Variants in TRIM37 observed in about 807,000 individuals in gnomAD.
The protein encoded by TRIM37 is E3 ubiquitin-protein ligase TRIM37.
TRIM37 carries 80 observed loss-of-function variants against 129.8 expected under a neutral mutation model. The ratio of observed to expected loss-of-function variants is 0.62; its 90% confidence interval spans 0.51 to 0.74. TRIM37 has a LOEUF of 0.74. Among genes scored for constraint, TRIM37 ranks in the 30% least tolerant of loss-of-function variants. The probability of loss-of-function intolerance (pLI) is 0.00; values close to 1 mark genes in which losing one functional copy is unlikely to be tolerated. For synonymous variants in TRIM37, 389 were observed against 387.1 expected, an observed-to-expected ratio of 1.00 and a Z score of -0.06; for missense variants, 1,054 against 1,176.5, an observed-to-expected ratio of 0.90 and a Z score of 1.52.
At chr17:59,105,130 A>G (rs1195043759) in intron 1 of TRIM37, among the ~76,000 whole-genome samples, 1 of 151,858 alleles carries the variant, frequency 6.6e-6, no homozygotes, top group Non-Finnish European at 1.5e-5. Context: ...AAGGCAGACT[A>G]TATGACTGAA....
Position 59,028,528 on chromosome 17 carries a change from G to GA in TRIM37, c.2143dup (p.Ser715PhefsTer3). On this transcript the variant is annotated frameshift_variant, in exon 19 of 24. Coordinates refer to ENST00000262294, the MANE Select transcript of TRIM37 (RefSeq NM_015294.6). LOFTEE classifies it high-confidence loss of function. ...TGCAGCCAGAGCTGCCTGGTCAGCA[G>GA]AAAAAAGGCTTGTCTGCATGTCTCC... 1.2e-6 allele frequency: 2 copies of GA among 1,614,158 alleles called. No homozygotes were observed. Among genetic ancestry groups the GA allele is most frequent in the Non-Finnish European group, 1.7e-6 (2 of 1,180,014 alleles).
intron 19 of TRIM37, among the ~76,000 whole-genome samples, chr17:59,019,983 C>T (rs1409304130): frequency 6.6e-6 from 1 of 152,030 alleles, no homozygotes; most frequent in Non-Finnish European, 1.5e-5. Flanking sequence ...GTAATCCCAG[C>T]ACTTCAGGAG....
At chr17:59,103,123 T>A (rs2045664881) in intron 2 of TRIM37, among the ~76,000 whole-genome samples, 1 of 152,052 alleles carries the variant, frequency 6.6e-6, no homozygotes, top group Non-Finnish European at 1.5e-5. Context: ...TCCACACACC[T>A]CAGCCTCCCA....
chr17:58,996,424 C>T (rs1050047346), downstream of TRIM37, among the ~76,000 whole-genome samples: 1 of 148,496 alleles, frequency 6.7e-6, no homozygotes, highest in Non-Finnish European at 1.5e-5. Context: ...CAGCTGAGAT[C>T]ATGCCACTGC....
intron 17 of TRIM37, among the ~76,000 whole-genome samples, chr17:59,033,333 T>C (rs552609276): frequency 6.6e-6 from 1 of 152,306 alleles, no homozygotes; most frequent in South Asian, 2.1e-4. Flanking sequence ...CTGCCTCCTC[T>C]TCTAAGGATT....
At chr17:59,046,775 C>G (rs914289164) in intron 16 of TRIM37, among the ~76,000 whole-genome samples, 1 of 149,974 alleles carries the variant, frequency 6.7e-6, no homozygotes. Context: ...CTCCTGACCT[C>G]GTGATCCACC....
intron 22 of TRIM37, among the ~76,000 whole-genome samples, chr17:59,010,844 T>C (rs1378512183): frequency 2.0e-5 from 3 of 152,150 alleles, no homozygotes; most frequent in African/African-American, 7.2e-5. Context: ...TTTAAGCTAC[T>C]ACAATCCAGT....
At chr17:58,997,475 G>A (rs2033123217), downstream of TRIM37, among the ~76,000 whole-genome samples, 1 of 152,074 alleles carries the variant, frequency 6.6e-6, no homozygotes, top group Non-Finnish European at 1.5e-5. Context: ...TGAACCTAAG[G>A]CTCCATGGCC....
downstream of TRIM37, chr17:58,982,134 C>G (rs1055558649): frequency 6.6e-6 from 1 of 152,652 alleles, no homozygotes; most frequent in Non-Finnish European, 1.5e-5. Context: ...AGATTACTGA[C>G]AGCCAGGTCT....
chr17:59,086,523 GC>G (rs1260058369), intron 4 of TRIM37, among the ~76,000 whole-genome samples: 20 of 152,252 alleles, frequency 1.3e-4, no homozygotes, highest in African/African-American at 4.3e-4. Context: ...ACAAGCATGA[GC>G]CACTGTGCCT....
intron 4 of TRIM37, among the ~76,000 whole-genome samples, chr17:59,087,785 G>A (rs984922787): frequency 3.3e-5 from 5 of 152,124 alleles, no homozygotes; most frequent in African/African-American, 4.8e-5. Context: ...TTGCTGGACA[G>A]TGAAGCCTTA....
At chr17:59,000,599 TAAA>T in intron 23 of TRIM37, among the ~76,000 whole-genome samples, 1 of 146,732 alleles carries the variant, frequency 6.8e-6, no homozygotes, top group Non-Finnish European at 1.5e-5. Flanking sequence ...AGACTCTGTC[TAAA>T]AAAAAAAGAA....
chr17:59,037,650 G>A (rs1231952159), intron 17 of TRIM37, among the ~76,000 whole-genome samples: 1 of 144,482 alleles, frequency 6.9e-6, no homozygotes, highest in Admixed American at 7.2e-5. Flanking sequence ...TAAAAATACA[G>A]AGAGTTCCTG....
chr17:59,061,775 G>C (rs1024061485), intron 11 of TRIM37, among the ~76,000 whole-genome samples: 4 of 152,002 alleles, frequency 2.6e-5, no homozygotes, highest in African/African-American at 9.7e-5. Context: ...CCCCCAACGA[G>C]ACAATGAAGG....
intron 7 of TRIM37, among the ~76,000 whole-genome samples, chr17:59,078,444 A>C (rs1230809284): frequency 6.6e-6 from 1 of 152,210 alleles, no homozygotes; most frequent in Non-Finnish European, 1.5e-5. Context: ...TTTGACTTTT[A>C]GTTGATTCAA....
rs189693179 is a variant in TRIM37, at chr17:59,041,022, C to G, written c.1753+791G>C. 4.5e-3 allele frequency among the ~76,000 whole-genome samples: 681 copies of G among 151,360 alleles called. 4 individuals are homozygous for G. Among genetic ancestry groups the G allele is most frequent in the Non-Finnish European group, 5.7e-3 (385 of 67,852 alleles). On this transcript the variant is annotated intron_variant, in intron 17 of 23. Transcript: ENST00000262294. ...GATTGCGCCACTGCAGTCCGCAGTC[C>G]GACCTGGGCGACAGAGCGAGACTCC... is the stretch of plus-strand genomic sequence containing the variant.
chr17:58,983,042 G>A, intron 24 of TRIM37: 2 of 954,398 alleles, frequency 2.1e-6, no homozygotes, highest in Non-Finnish European at 3.1e-6. Context: ...TAATGTTTTT[G>A]ATCAGAATAA....
At chr17:59,052,817 T>C (rs1475656706) in intron 13 of TRIM37, among the ~76,000 whole-genome samples, 1 of 152,000 alleles carries the variant, frequency 6.6e-6, no homozygotes, top group Non-Finnish European at 1.5e-5. Flanking sequence ...TAGCCGGGTA[T>C]GGTGGCGGGC....
rs1250115334 is a variant in TRIM37, at chr17:58,998,780, C to T, written c.*597G>A. Reference sequence around the variant, plus strand: ...AGTCACACAACAGAAAGATACCATGCGGTTGAACAGTGTGCCTGTACTTGA... The same window carrying T: ...AGTCACACAACAGAAAGATACCATGTGGTTGAACAGTGTGCCTGTACTTGA... On this transcript the variant is annotated 3_prime_UTR_variant, in exon 24 of 24. Coordinates refer to ENST00000262294, the MANE Select transcript of TRIM37 (RefSeq NM_015294.6). The T allele has an allele frequency of 1.1e-5, 11 of 986,272 alleles. No individual in the cohort carries two copies. Among genetic ancestry groups the T allele is most frequent in the Non-Finnish European group, 1.3e-5 (11 of 830,538 alleles). The allele number at this position is 986,272 out of a possible 1,614,324, so 61.1% of individuals were successfully genotyped here.
Sources: allele counts gnomAD v4.1 joint callset (sites outside exome capture counted in the v4.1 genomes callset), GRCh38; gene constraint gnomAD v4.1.1; transcripts MANE v1.5; gene names NCBI Gene and HGNC (gene_info 2026-07-23, HGNC 2026-07-21).